CHST8: variants seen among roughly 807,000 people sequenced by gnomAD.
The protein encoded by CHST8 is carbohydrate sulfotransferase 8.
In CHST8, 10 loss-of-function variants were observed where a neutral mutation model predicts 15.0. That is an observed-to-expected ratio of 0.67 (90% CI 0.41 to 1.13). The LOEUF (loss-of-function observed/expected upper bound fraction) is 1.13, where lower values mean the gene tolerates loss of function less well. Ranked by LOEUF, CHST8 falls within the 50% of genes most tolerant of loss-of-function variation. The pLI is 0.00. For missense variants in CHST8, 634 were observed against 608.2 expected (o/e 1.04, Z -0.45); for synonymous variants, 259 against 256.6 (o/e 1.01, Z -0.09).
Position 33,690,668 on chromosome 19 carries a change from G to C in CHST8, c.130+1277G>C, listed in dbSNP as rs999947573. Among the ~76,000 whole-genome samples the C allele has an allele frequency of 6.6e-4, 100 of 152,346 alleles. 2 individuals are homozygous for C. Among genetic ancestry groups the C allele is most frequent in the Non-Finnish European group, 2.9e-5 (2 of 68,030 alleles). ...CGCCTGTGCCGGGCCCCCACAGGTG[G>C]TGGCTGTCAGAAGTGGGTCTGGCCG... is the stretch of plus-strand genomic sequence containing the variant. On this transcript the variant is annotated intron_variant, in intron 3 of 4. Transcript: ENST00000650847.
intron 4 of CHST8, 121 bp from the exon 5 acceptor site, chr19:33,771,836 C>A: frequency 8.3e-7 from 1 of 1,211,202 alleles, no homozygotes; most frequent in South Asian, 1.5e-5. Flanking sequence ...CCTACAGAGT[C>A]AGCCTGTCTC....
At chr19:33,627,084 C>T (rs1293578195) in intron 1 of CHST8, among the ~76,000 whole-genome samples, 1 of 115,274 alleles carries the variant, frequency 8.7e-6, no homozygotes, top group African/African-American at 3.4e-5. Flanking sequence ...GCCAGCATGC[C>T]TGTCCTCTTT....
At chr19:33,660,792 G>A (rs536740746) in intron 1 of CHST8, among the ~76,000 whole-genome samples, 10 of 152,322 alleles carry the variant, frequency 6.6e-5, no homozygotes, top group African/African-American at 2.4e-4. Flanking sequence ...GTTGTCAACA[G>A]CCAGTGCCTT....
chr19:33,724,937 C>A (rs939325766), intron 3 of CHST8, among the ~76,000 whole-genome samples: 7 of 152,212 alleles, frequency 4.6e-5, no homozygotes, highest in African/African-American at 1.7e-4. Flanking sequence ...CCAGCAGATC[C>A]CTGGAGGATC....
At chr19:33,675,183 C>T (rs759215268) in intron 2 of CHST8, among the ~76,000 whole-genome samples, 18 of 152,112 alleles carry the variant, frequency 1.2e-4, no homozygotes, top group Admixed American at 5.9e-4. Context: ...AGTTTCATCC[C>T]GCTGTTTCCA....
In CHST8 at chr19:33,772,292, G is replaced by A; in HGVS notation, c.504G>A (p.Arg168=). 2 of 1,602,356 alleles carry A rather than the reference G, an allele frequency of 1.2e-6. No individual in the cohort carries two copies. The highest frequency in any genetic ancestry group is 1.7e-6 in the Non-Finnish European group (2 of 1,179,056). Reference sequence around the variant, plus strand: ...TGCAGGAGGCCTGCGCCAAGTACCGGGCGAGCAGCAGCCGCCGGGCCGTCA... The same window carrying A: ...TGCAGGAGGCCTGCGCCAAGTACCGAGCGAGCAGCAGCCGCCGGGCCGTCA... ...RVMQEACAKY[R]ASSSRRAVTP... The change falls in exon 5 of 5, where the codon CGG becomes CGA. Residue 168 remains arginine, a synonymous_variant. Coordinates refer to ENST00000650847, the MANE Select transcript of CHST8 (RefSeq NM_001127895.2).
intron 3 of CHST8, among the ~76,000 whole-genome samples, chr19:33,746,887 A>G (rs1307544229): frequency 6.6e-6 from 1 of 151,660 alleles, no homozygotes. Flanking sequence ...TTTGGATGCT[A>G]CTTGAGTTAG....
intron 1 of CHST8, among the ~76,000 whole-genome samples, chr19:33,626,446 G>A (rs1005646240): frequency 2.0e-5 from 3 of 152,052 alleles, no homozygotes; most frequent in Non-Finnish European, 2.9e-5. Context: ...CAATAATTTG[G>A]ATGTTTGTCC....
At chr19:33,662,729 G>T (rs1361233391) in intron 1 of CHST8, among the ~76,000 whole-genome samples, 1 of 152,166 alleles carries the variant, frequency 6.6e-6, no homozygotes, top group Non-Finnish European at 1.5e-5. Context: ...GTGGTGGAGA[G>T]GATTGTTCCT....
intron 1 of CHST8, among the ~76,000 whole-genome samples, chr19:33,653,795 A>C (rs1178936009): frequency 6.6e-6 from 1 of 152,204 alleles, no homozygotes; most frequent in Non-Finnish European, 1.5e-5. Flanking sequence ...GATGTATATA[A>C]GGTGTTTAAA....
intron 1 of CHST8, among the ~76,000 whole-genome samples, chr19:33,652,028 T>C (rs1172154890): frequency 6.6e-6 from 1 of 152,192 alleles, no homozygotes; most frequent in Non-Finnish European, 1.5e-5. Flanking sequence ...TGGTTATGAA[T>C]TTGTTCATTT....
intron 1 of CHST8, among the ~76,000 whole-genome samples, chr19:33,666,540 G>A (rs887995108): frequency 1.3e-5 from 2 of 152,220 alleles, no homozygotes; most frequent in African/African-American, 4.8e-5. Context: ...GCAGGTGGCC[G>A]ATGGAGCCCA....
intron 3 of CHST8, among the ~76,000 whole-genome samples, chr19:33,703,818 T>G (rs1299225322): frequency 6.6e-6 from 1 of 152,388 alleles, no homozygotes; most frequent in East Asian, 1.9e-4. Flanking sequence ...AGTTTTGACT[T>G]GAATCATAGT....
chr19:33,757,524 GAAAGAA>G lies in CHST8; in HGVS notation c.131-13887_131-13882del, dbSNP rs1568358791. On this transcript the variant is annotated intron_variant, in intron 3 of 4. Transcript: ENST00000650847. The stretch of plus-strand genomic sequence containing the variant: ...AAAGAAAGAAAGAAAGAAAGAAAGA[GAAAGAA>G]AGAAAGAAAGAAAGAAAGAAAGAAA... Among the ~76,000 whole-genome samples the G allele has an allele frequency of 6.2e-3, 119 of 19,256 alleles. 20 individuals carry two copies. Among genetic ancestry groups the G allele is most frequent in the Non-Finnish European group, 6.8e-3 (67 of 9,858 alleles). The allele number at this position is 19,256 out of a possible 152,430, so 12.6% of individuals were successfully genotyped here. A position where few individuals can be genotyped will look rare whatever the true frequency, so the allele number is the denominator to read the frequency against.
intron 1 of CHST8, among the ~76,000 whole-genome samples, chr19:33,654,470 C>T (rs1972484848): frequency 6.6e-6 from 1 of 152,050 alleles, no homozygotes; most frequent in Non-Finnish European, 1.5e-5. Flanking sequence ...GACTTTTAAA[C>T]ATTGGTAGCC....
At chr19:33,630,035 T>G (rs1375870668) in intron 1 of CHST8, among the ~76,000 whole-genome samples, 2 of 131,852 alleles carry the variant, frequency 1.5e-5, no homozygotes, top group East Asian at 4.2e-4. Context: ...AGACAAGTCG[T>G]CCCCACCTTC....
At chr19:33,764,101 G>A (rs1974786199) in intron 3 of CHST8, among the ~76,000 whole-genome samples, 1 of 152,198 alleles carries the variant, frequency 6.6e-6, no homozygotes, top group Non-Finnish European at 1.5e-5. Context: ...CCAGAACCCT[G>A]GGCCCAGCTT....
At chr19:33,683,126 A>G (rs1057217377) in intron 2 of CHST8, among the ~76,000 whole-genome samples, 3 of 152,224 alleles carry the variant, frequency 2.0e-5, no homozygotes, top group African/African-American at 4.8e-5. Context: ...GCACCATGCC[A>G]TTCATGAGGG....
intron 3 of CHST8, among the ~76,000 whole-genome samples, chr19:33,736,221 G>T (rs973990637): frequency 6.6e-6 from 1 of 152,346 alleles, no homozygotes. Flanking sequence ...CCGAGTTGAG[G>T]TGTTGTCCTG....
Sources: allele counts gnomAD v4.1 joint callset (sites outside exome capture counted in the v4.1 genomes callset), GRCh38; gene constraint gnomAD v4.1.1; transcripts MANE v1.5; gene names NCBI Gene and HGNC (gene_info 2026-07-23, HGNC 2026-07-21).